The following NPAS3 variants were observed in gnomAD, a reference collection of about 807,000 sequenced individuals.
NPAS3 encodes neuronal PAS domain-containing protein 3.
In NPAS3, 14 loss-of-function variants were observed where a neutral mutation model predicts 73.1. The ratio of observed to expected loss-of-function variants is 0.19; its 90% CI spans 0.13 to 0.30. The LOEUF (loss-of-function observed/expected upper bound fraction) is 0.30. Among genes scored for constraint, NPAS3 ranks in the 10% least tolerant of loss-of-function variants. The probability of loss-of-function intolerance (pLI) is 1.00; values close to 1 mark genes in which losing one functional copy is unlikely to be tolerated. For missense variants in NPAS3, 1,096 were observed against 1,250.0 expected (o/e 0.88, Z 1.86); for synonymous variants, 620 against 541.5 (o/e 1.14, Z -2.01).
At position 33,288,307 on chromosome 14, in the gene NPAS3, A is replaced by C. The variant is rs906433411; in HGVS notation, c.385+72881A>C. On this transcript the variant is annotated intron_variant, in intron 3 of 11. Coordinates refer to ENST00000356141, the Ensembl canonical transcript of NPAS3. ...TTCATACATCCTCTGTGTACCCTCAATATGTGTTAAGGCCAGACTTTGAGC... is the reference window on the plus strand; with the variant it reads ...TTCATACATCCTCTGTGTACCCTCACTATGTGTTAAGGCCAGACTTTGAGC... Among the ~76,000 whole-genome samples the C allele has an allele frequency of 2.4e-4, 37 of 152,130 alleles. 2 individuals carry two copies. The highest frequency in any genetic ancestry group is 1.8e-3 in the Admixed American group (27 of 15,276).
chr14:32,985,011 A>C (rs1277060602), intron 1 of NPAS3, among the ~76,000 whole-genome samples: 1 of 152,190 alleles, frequency 6.6e-6, no homozygotes, highest in Non-Finnish European at 1.5e-5. Context: ...AATGTGCATA[A>C]AAATATACAT....
chr14:33,792,896 G>A (rs560330573), intron 9 of NPAS3, among the ~76,000 whole-genome samples: 78 of 152,320 alleles, frequency 5.1e-4, no homozygotes, highest in African/African-American at 1.8e-3. Flanking sequence ...GCTTTCGCGG[G>A]GCGCCGAGTT....
intron 4 of NPAS3, among the ~76,000 whole-genome samples, chr14:33,374,832 A>G (rs532704942): frequency 2.9e-4 from 44 of 152,162 alleles, no homozygotes; most frequent in African/African-American, 9.9e-4. Flanking sequence ...AATACCTAAA[A>G]CAGCTCAAAA....
Position 33,284,120 on chromosome 14 carries a change from G to A in NPAS3, c.385+68694G>A, listed in dbSNP as rs74243512. Among the ~76,000 whole-genome samples the A allele has an allele frequency of 9.2e-3, 1,400 of 152,078 alleles. 69 individuals are homozygous for A. The East Asian group carries it at 0.13, about 14-fold the overall frequency. ...TTATTTAAATCTTTTTCAGAATAAAGCGTAGTATTAAAAATAAAACAATTC... is the reference window on the plus strand; with the variant it reads ...TTATTTAAATCTTTTTCAGAATAAAACGTAGTATTAAAAATAAAACAATTC... On this transcript the variant is annotated intron_variant, in intron 3 of 11. Transcript: ENST00000356141.
intron 5 of NPAS3, among the ~76,000 whole-genome samples, chr14:33,658,155 T>C (rs1174057760): frequency 1.3e-5 from 2 of 152,248 alleles, no homozygotes; most frequent in South Asian, 2.1e-4. Context: ...GAAGACTTTA[T>C]AGATGTTTCC....
At chr14:32,937,818 T>C (rs909047938), upstream of NPAS3, among the ~76,000 whole-genome samples, 7 of 152,180 alleles carry the variant, frequency 4.6e-5, no homozygotes, top group Admixed American at 1.3e-4. Flanking sequence ...TCCTTTCTAC[T>C]TGCCTGGTTG....
At chr14:33,739,449 G>A (rs1462451289) in intron 7 of NPAS3, among the ~76,000 whole-genome samples, 1 of 152,124 alleles carries the variant, frequency 6.6e-6, no homozygotes, top group Non-Finnish European at 1.5e-5. Flanking sequence ...AAGAATATCT[G>A]CATCTAAACA....
At chr14:33,492,241 C>A (rs992966989) in intron 4 of NPAS3, among the ~76,000 whole-genome samples, 5 of 152,050 alleles carry the variant, frequency 3.3e-5, no homozygotes, top group Non-Finnish European at 7.4e-5. Flanking sequence ...GTTAACACCC[C>A]CACTGTGGTA....
rs115160787 is a variant in NPAS3 at position 33,249,046 on chromosome 14, C to T, written c.385+33620C>T. Among the ~76,000 whole-genome samples, 1,079 of 152,236 alleles carry T rather than the reference C, an allele frequency of 7.1e-3. 10 individuals are homozygous for T. Among genetic ancestry groups the T allele is most frequent in the African/African-American group, 0.025 (1,030 of 41,536 alleles). On this transcript the variant is annotated intron_variant, in intron 3 of 11. Transcript: ENST00000356141. ...CATGGAAGTAAATTGACCCTACTAG[C>T]TTGCAGTCCCTCCAAGTCAGGCTCA...
chr14:33,332,858 C>T (rs2140282270), intron 3 of NPAS3, among the ~76,000 whole-genome samples: 1 of 152,316 alleles, frequency 6.6e-6, no homozygotes, highest in Admixed American at 6.5e-5. Flanking sequence ...ACAAAAAATC[C>T]TTTATAATGA....
At chr14:33,608,986 C>T (rs1481614237) in intron 5 of NPAS3, among the ~76,000 whole-genome samples, 1 of 152,276 alleles carries the variant, frequency 6.6e-6, no homozygotes, top group East Asian at 1.9e-4. Context: ...CAGGGTCTAC[C>T]CTGGATTAAT....
rs1469590023 is a variant in NPAS3 at position 33,337,638 on chromosome 14, T to C, written c.386-29548T>C. On this transcript the variant is annotated intron_variant, in intron 3 of 11. Transcript: ENST00000356141. ...TCTATAAAAATTCCTGCTGGAATTT[T>C]TATAGAAATTCCACTGAATCTATAG... 3.9e-5 allele frequency among the ~76,000 whole-genome samples: 6 copies of C among 152,204 alleles called. No individual in the cohort carries two copies. In the East Asian group the frequency reaches 7.7e-4, roughly 20 times the overall value.
chr14:33,406,422 A>G (rs2047670158), intron 4 of NPAS3, among the ~76,000 whole-genome samples: 1 of 152,106 alleles, frequency 6.6e-6, no homozygotes. Context: ...CCCCCAAAAG[A>G]GTCAGAAATC....
intron 1 of NPAS3, among the ~76,000 whole-genome samples, chr14:32,939,644 GA>G (rs747013329): frequency 2.5e-3 from 356 of 141,576 alleles, no homozygotes; most frequent in Admixed American, 4.7e-3. Flanking sequence ...AAAAAAAGAA[GA>G]AAGAAACAGA....
chr14:33,421,298 C>T (rs1379081326), intron 4 of NPAS3, among the ~76,000 whole-genome samples: 2 of 151,838 alleles, frequency 1.3e-5, no homozygotes, highest in Non-Finnish European at 2.9e-5. Flanking sequence ...GTCTTTGAAC[C>T]TCTCACTACA....
At chr14:33,722,847 T>C (rs934905227) in intron 6 of NPAS3, among the ~76,000 whole-genome samples, 4 of 152,144 alleles carry the variant, frequency 2.6e-5, no homozygotes, top group Non-Finnish European at 5.9e-5. Context: ...ATATGGTACT[T>C]CTAACTAAAA....
intron 4 of NPAS3, among the ~76,000 whole-genome samples, chr14:33,418,678 A>G (rs11845038): frequency 0.46 from 69,266 of 151,368 alleles, 17,136 homozygotes; most frequent in East Asian, 0.67. Flanking sequence ...TTATTTTTAA[A>G]GGGTTGTAGA....
At chr14:33,136,381 A>G (rs1436228205) in intron 2 of NPAS3, among the ~76,000 whole-genome samples, 1 of 152,164 alleles carries the variant, frequency 6.6e-6, no homozygotes, top group African/African-American at 2.4e-5. Flanking sequence ...TTTTAAAATG[A>G]AAAGTTCTTC....
chr14:33,294,575 T>C (rs576861238), intron 3 of NPAS3, among the ~76,000 whole-genome samples: 3 of 152,298 alleles, frequency 2.0e-5, no homozygotes, highest in Non-Finnish European at 4.4e-5. Context: ...TCAGGGATAG[T>C]ATTTGTTTTT....
Sources: allele counts gnomAD v4.1 joint callset (sites outside exome capture counted in the v4.1 genomes callset), GRCh38; gene constraint gnomAD v4.1.1; transcripts MANE v1.5; gene names NCBI Gene and HGNC (gene_info 2026-07-23, HGNC 2026-07-21).